Variants in FMR1 observed in about 807,000 individuals in gnomAD.
FMR1 encodes the protein FMRP translational regulator 1.
Under a neutral mutation model 50.6 loss-of-function variants are expected in FMR1, and 13 were observed. The ratio of observed to expected loss-of-function variants is 0.26; its 90% CI spans 0.17 to 0.41. The LOEUF (loss-of-function observed/expected upper bound fraction) is 0.41, where lower values mean the gene tolerates loss of function less well. Ranked by LOEUF, FMR1 falls within the 10% of genes least tolerant of loss-of-function variation. The pLI, the probability that FMR1 is intolerant of heterozygous loss-of-function variation, is 1.00. For missense variants in FMR1, 316 were observed against 491.3 expected (o/e 0.64, Z 3.37); for synonymous variants, 138 against 164.1 (o/e 0.84, Z 1.22).
Position 147,945,590 on chromosome X carries a change from G to A in FMR1, c.1711G>A (p.Gly571Arg). 1.7e-6 allele frequency: 2 copies of A among 1,207,130 alleles called. No homozygotes were observed. Among genetic ancestry groups the A allele is most frequent in the Non-Finnish European group, 2.2e-6 (2 of 891,059 alleles). ...TCCACGTAATCCAAGAGAGGCTAAAGGAAGAACAACAGATGGATCCCTTCA... is the reference window on the plus strand; with the variant it reads ...TCCACGTAATCCAAGAGAGGCTAAAAGAAGAACAACAGATGGATCCCTTCA... ...NRPRNPREAK[G>R]RTTDGSLQIR... The change falls in exon 16 of 17, where the codon GGA (glycine) becomes AGA (arginine). Residue 571 changes from glycine (G) to arginine (R), a missense_variant. Coordinates refer to ENST00000370475, the MANE Select transcript of FMR1 (RefSeq NM_002024.6).
intron 16 of FMR1, among the ~76,000 whole-genome samples, chrX:147,945,974 TC>T (rs1399109911): frequency 8.9e-6 from 1 of 112,026 alleles, no homozygotes; most frequent in Non-Finnish European, 1.9e-5. Context: ...CCTCCCGGGT[TC>T]AAGTGATTCT....
intron 14 of FMR1, 22 bp downstream of exon 14, chrX:147,943,348 C>G (rs782118510): frequency 1.1e-5 from 13 of 1,151,084 alleles, no homozygotes; most frequent in Non-Finnish European, 1.5e-5. Context: ...GCATTTTACT[C>G]AGTAACTTTA....
At position 147,936,642 on chromosome X, in the gene FMR1, A is replaced by T. The variant is rs782232058; in HGVS notation, c.990+29A>T. ...TGTTACAGTGCGAATATTTTGTGGC[A>T]CATATAATAAAAGTAAAAGTTTTTT... On this transcript the variant is annotated intron_variant, in intron 10 of 16. Transcript: ENST00000370475. The T allele has an allele frequency of 1.3e-5, 12 of 935,273 alleles. No individual in the cohort carries two copies. In the South Asian group the frequency reaches 2.2e-4, roughly 17 times the overall value. 77.1% of individuals were successfully genotyped at this position (935,273 alleles called of 1,213,427 possible).
Position 147,932,366 on chromosome X carries a change from A to C in FMR1, c.631-59A>C. ...TCAAGATAATTTACATGGCTGGCCTAAATACAGTTGTCGTAATAGTTGATA... is the reference window on the plus strand; with the variant it reads ...TCAAGATAATTTACATGGCTGGCCTCAATACAGTTGTCGTAATAGTTGATA... On this transcript the variant is annotated intron_variant, in intron 7 of 16. Transcript: ENST00000370475. 3 of 1,077,844 alleles carry C rather than the reference A, an allele frequency of 2.8e-6. No homozygotes were observed. The South Asian group carries it at 5.6e-5, about 20-fold the overall frequency. The allele number at this position is 1,077,844 out of a possible 1,213,427, so 88.8% of individuals were successfully genotyped here. A position where few individuals can be genotyped will look rare whatever the true frequency, so the allele number is the denominator to read the frequency against.
At chrX:147,912,583 C>A (rs28900) in intron 1 of FMR1, 29,590 of 303,910 alleles carry the variant, frequency 0.097, 2,647 homozygotes, top group East Asian at 0.51. Context: ...ATGGCTTATT[C>A]CCCCTTTCCT....
At chrX:147,918,792 G>A (rs1241958425) in intron 1 of FMR1, among the ~76,000 whole-genome samples, 3 of 110,340 alleles carry the variant, frequency 2.7e-5, no homozygotes, top group African/African-American at 9.9e-5. Context: ...GTTTTAAATC[G>A]GGTCTGTCTA....
intron 1 of FMR1, among the ~76,000 whole-genome samples, chrX:147,916,028 A>T (rs1454610116): frequency 8.9e-6 from 1 of 112,489 alleles, no homozygotes; most frequent in African/African-American, 3.2e-5. Flanking sequence ...TATTGTTAAT[A>T]CAAAGCCATC....
intron 16 of FMR1, chrX:147,946,823 A>G (rs188423334): frequency 4.3e-4 from 48 of 112,614 alleles, no homozygotes; most frequent in Non-Finnish European, 7.9e-4. Context: ...GACAAAGTTT[A>G]TGATGGAATA....
At chrX:147,918,562 T>TAG (rs1557175793) in intron 1 of FMR1, among the ~76,000 whole-genome samples, 1 of 89,329 alleles carries the variant, frequency 1.1e-5, no homozygotes, top group Non-Finnish European at 2.2e-5. Context: ...AAGCTTTTTT[T>TAG]TTTTTTTTTT....
Position 147,928,699 on chromosome X carries a change from A to G in FMR1, c.311A>G (p.Asn104Ser), listed in dbSNP as rs1487595979. 3 of 1,206,825 alleles carry G rather than the reference A, an allele frequency of 2.5e-6. No individual in the cohort carries two copies. The highest frequency in any genetic ancestry group is 1.7e-5 in the African/African-American group (1 of 57,714). Residue 104 changes from asparagine (N) to serine (S), a missense_variant, in exon 5 of 17, where the codon AAT becomes AGT. Coordinates refer to ENST00000370475, the MANE Select transcript of FMR1 (RefSeq NM_002024.6). The part of the protein sequence containing the change: ...IEYAACDATY[N>S]EIVTIERLRS... The stretch of plus-strand genomic sequence containing the variant: ...TATGCAGCATGTGATGCAACTTACA[A>G]TGAAATTGTCACAATTGAACGTCTA...
intron 2 of FMR1, among the ~76,000 whole-genome samples, chrX:147,923,600 C>T (rs1557176892): frequency 9.0e-6 from 1 of 111,728 alleles, no homozygotes; most frequent in African/African-American, 3.3e-5. Flanking sequence ...TTTATTAGAT[C>T]ACTTCTTTTT....
At chrX:147,918,554 G>GTTTTTTTTTTTTTTTTTT (rs2042989205) in intron 1 of FMR1, among the ~76,000 whole-genome samples, 1 of 18,751 alleles carries the variant, frequency 5.3e-5, no homozygotes, top group African/African-American at 3.0e-4. Context: ...GCCTGCAAAA[G>GTTTTTTTTTTTTTTTTTT]CTTTTTTTTT....
At chrX:147,914,653 A>G (rs2042759208) in intron 1 of FMR1, among the ~76,000 whole-genome samples, 1 of 112,015 alleles carries the variant, frequency 8.9e-6, no homozygotes, top group South Asian at 3.7e-4. Flanking sequence ...TAAAAGTTAG[A>G]TTTAGCGATC....
intron 13 of FMR1, 37 bp from the exon 14 acceptor site, chrX:147,943,094 A>G (rs782746869): frequency 9.1e-7 from 1 of 1,095,973 alleles, no homozygotes; most frequent in African/African-American, 1.8e-5. Context: ...GTAAAATGTC[A>G]AATTATTTTT....
intron 12 of FMR1, chrX:147,940,264 T>A (rs2124554831): frequency 3.7e-6 from 1 of 270,081 alleles, no homozygotes; most frequent in Admixed American, 5.7e-5. Flanking sequence ...CTACTCATTT[T>A]GTTTATACAT....
intron 7 of FMR1, among the ~76,000 whole-genome samples, chrX:147,931,206 C>T (rs1418611133): frequency 3.6e-5 from 4 of 111,711 alleles, no homozygotes; most frequent in Non-Finnish European, 7.5e-5. Flanking sequence ...AGAGCTGCCT[C>T]CTTACTTTGA....
chrX:147,929,864 T>G, intron 5 of FMR1, 84 bp from the exon 6 acceptor site: 4 of 621,701 alleles, frequency 6.4e-6, no homozygotes, highest in Non-Finnish European at 1.0e-5. Context: ...GAATCCATGA[T>G]TCTTGTATGT....
intron 2 of FMR1, among the ~76,000 whole-genome samples, chrX:147,923,851 C>T (rs2043282000): frequency 8.9e-6 from 1 of 111,835 alleles, no homozygotes; most frequent in African/African-American, 3.3e-5. Context: ...CTTTGCCCTT[C>T]CTTGTGTGTT....
At chrX:147,934,267 T>C (rs1406629511) in intron 9 of FMR1, among the ~76,000 whole-genome samples, 1 of 110,458 alleles carries the variant, frequency 9.1e-6, no homozygotes, top group East Asian at 2.8e-4. Flanking sequence ...AAGTTGGTTT[T>C]GAAGATGGCA....
Sources: allele counts gnomAD v4.1 joint callset (sites outside exome capture counted in the v4.1 genomes callset), GRCh38; gene constraint gnomAD v4.1.1; transcripts MANE v1.5; gene names NCBI Gene and HGNC (gene_info 2026-07-23, HGNC 2026-07-21).